SLIT2: variants seen among roughly 807,000 people sequenced by gnomAD.
SLIT2 encodes the protein slit homolog 2 protein.
In SLIT2, 41 loss-of-function variants were observed where a neutral mutation model predicts 185.7. The ratio of observed to expected loss-of-function variants is 0.22; its 90% CI spans 0.17 to 0.29. The LOEUF (loss-of-function observed/expected upper bound fraction) is 0.29. Among genes scored for constraint, SLIT2 ranks in the 10% least tolerant of loss-of-function variants. SLIT2 has a pLI of 1.00. For synonymous variants in SLIT2, 693 were observed against 680.2 expected, an observed-to-expected ratio of 1.02 and a Z score of -0.29; for missense variants, 1,571 against 1,909.0, an observed-to-expected ratio of 0.82 and a Z score of 3.30.
intron 32 of SLIT2, among the ~76,000 whole-genome samples, chr4:20,596,962 G>A (rs958471367): frequency 6.6e-6 from 1 of 151,856 alleles, no homozygotes; most frequent in African/African-American, 2.4e-5. Context: ...CTGCAGTTCA[G>A]CCTCTGCATG....
At chr4:20,533,349 G>T in intron 17 of SLIT2, 1 of 545,982 alleles carries the variant, frequency 1.8e-6, no homozygotes, top group Non-Finnish European at 3.3e-6. Flanking sequence ...TGGAGAGTAT[G>T]ACATGAGTCA....
intron 4 of SLIT2, among the ~76,000 whole-genome samples, chr4:20,312,533 G>A (rs1029130585): frequency 8.5e-5 from 13 of 152,048 alleles, no homozygotes; most frequent in African/African-American, 3.1e-4. Context: ...CAGCACTTTG[G>A]GAGGCTGAGG....
chr4:20,490,165 C>T (rs1400076335), intron 8 of SLIT2, among the ~76,000 whole-genome samples: 4 of 152,078 alleles, frequency 2.6e-5, no homozygotes, highest in African/African-American at 9.7e-5. Flanking sequence ...CAATAGCTAA[C>T]GTTTACTGAG....
chr4:20,543,984 T>C (rs1723037314), intron 21 of SLIT2, among the ~76,000 whole-genome samples: 1 of 152,024 alleles, frequency 6.6e-6, no homozygotes, highest in Admixed American at 6.6e-5. Flanking sequence ...GAATATTCTG[T>C]GTCCACAGGA....
At position 20,357,103 on chromosome 4, in the gene SLIT2, T is replaced by C. The variant is rs575227364; in HGVS notation, c.395+88222T>C. ...TAATGTGTAATATTTTTGGCAAATA[T>C]TTTAAGTTAACATCTACCACTGTCT... On this transcript the variant is annotated intron_variant, in intron 4 of 36. Transcript: ENST00000504154. Among the ~76,000 whole-genome samples, 300 of 152,194 alleles carry C rather than the reference T, an allele frequency of 2.0e-3. 11 individuals are homozygous for C. Among genetic ancestry groups the C allele is most frequent in the Admixed American group, 5.9e-4 (9 of 15,266 alleles).
chr4:20,336,955 G>T (rs1720556224), intron 4 of SLIT2, among the ~76,000 whole-genome samples: 2 of 152,126 alleles, frequency 1.3e-5, no homozygotes. Context: ...TTTGGATTTG[G>T]CTCCTGAGAA....
At chr4:20,617,681 C>A in intron 36 of SLIT2, 31 bp downstream of exon 36, 3 of 1,480,018 alleles carry the variant, frequency 2.0e-6, no homozygotes, top group Non-Finnish European at 2.8e-6. Context: ...ACCTCATTCT[C>A]TTGGCAAAGC....
chr4:20,567,496 A>C, intron 27 of SLIT2, 22 bp from the exon 28 acceptor site: 1 of 1,611,224 alleles, frequency 6.2e-7, no homozygotes, highest in Non-Finnish European at 8.5e-7. Flanking sequence ...TCACTCGACT[A>C]TACTTGCCCC....
At chr4:20,394,673 T>C (rs1226324937) in intron 4 of SLIT2, 1 of 152,114 alleles carries the variant, frequency 6.6e-6, no homozygotes, top group Non-Finnish European at 1.5e-5. Context: ...AAAGCCATTC[T>C]GTGTTACTGT....
chr4:20,287,009 G>A (rs910204382), intron 4 of SLIT2, among the ~76,000 whole-genome samples: 1 of 152,130 alleles, frequency 6.6e-6, no homozygotes, highest in Non-Finnish European at 1.5e-5. Context: ...TCTAGGGCTA[G>A]TAAATAATAA....
intron 4 of SLIT2, among the ~76,000 whole-genome samples, chr4:20,416,456 C>A (rs1200158184): frequency 1.3e-5 from 2 of 152,050 alleles, no homozygotes; most frequent in South Asian, 4.1e-4. Context: ...AATACATTTA[C>A]GCTGGAGGTG....
chr4:20,267,152 A>G (rs1236920749), intron 3 of SLIT2, among the ~76,000 whole-genome samples: 1 of 151,998 alleles, frequency 6.6e-6, no homozygotes, highest in Non-Finnish European at 1.5e-5. Flanking sequence ...ACAACAAAGT[A>G]ACAATCTGCA....
chr4:20,390,739 A>G (rs1725343045), intron 4 of SLIT2, among the ~76,000 whole-genome samples: 1 of 151,662 alleles, frequency 6.6e-6, no homozygotes, highest in African/African-American at 2.4e-5. Context: ...ATTATTTTCA[A>G]CATTTTAGAA....
At chr4:20,392,244 T>C (rs1725482874) in intron 4 of SLIT2, 2 of 152,086 alleles carry the variant, frequency 1.3e-5, no homozygotes, top group Admixed American at 6.6e-5. Flanking sequence ...TGGAATACTG[T>C]AGGCAATTTT....
At chr4:20,497,310 C>T (rs1448276133) in intron 9 of SLIT2, among the ~76,000 whole-genome samples, 2 of 151,786 alleles carry the variant, frequency 1.3e-5, no homozygotes, top group South Asian at 4.2e-4. Flanking sequence ...TAAAAACCTT[C>T]AATTGTGAAG....
intron 2 of SLIT2, 91 bp from the exon 3 acceptor site, chr4:20,257,777 G>A (rs1240574370): frequency 4.1e-6 from 3 of 727,866 alleles, no homozygotes; most frequent in African/African-American, 1.8e-5. Context: ...TTTATAAAGG[G>A]AAAGAGTTTA....
intron 3 of SLIT2, among the ~76,000 whole-genome samples, chr4:20,259,287 G>C (rs1712187830): frequency 6.6e-6 from 1 of 151,660 alleles, no homozygotes; most frequent in African/African-American, 2.4e-5. Flanking sequence ...TATGTGATTA[G>C]CTAATTCCTA....
intron 4 of SLIT2, among the ~76,000 whole-genome samples, chr4:20,430,906 A>G (rs1044915575): frequency 6.6e-6 from 1 of 152,152 alleles, no homozygotes; most frequent in Admixed American, 6.5e-5. Flanking sequence ...CCATCGACAC[A>G]CACGCTTGAC....
chr4:20,342,787 G>A (rs1283511599), intron 4 of SLIT2, among the ~76,000 whole-genome samples: 2 of 119,024 alleles, frequency 1.7e-5, no homozygotes, highest in African/African-American at 6.6e-5. Flanking sequence ...TGGAGATACA[G>A]GCATAAGCAA....
Sources: gnomAD v4.1 joint callset for allele counts (sites outside exome capture counted in the v4.1 genomes callset) on GRCh38, gnomAD v4.1.1 for gene constraint, MANE v1.5 for transcripts, NCBI Gene and HGNC (gene_info 2026-07-23, HGNC 2026-07-21) for gene names.